PALLD: variants seen among roughly 807,000 people sequenced by gnomAD.
The protein encoded by PALLD is palladin, cytoskeletal associated protein, also known as palladin.
In PALLD, 61 loss-of-function variants were observed where a neutral mutation model predicts 123.5. The observed-to-expected ratio is 0.49, with a 90% CI of 0.40 to 0.61. The LOEUF is 0.61. PALLD is among the 20% of genes least tolerant of loss of function. PALLD has a pLI of 0.00. For missense variants in PALLD, 1,273 were observed against 1,377.0 expected (o/e 0.92, Z 1.20); for synonymous variants, 465 against 496.4 (o/e 0.94, Z 0.84).
chr4:168,727,204 C>T (rs928257670), intron 10 of PALLD, among the ~76,000 whole-genome samples: 2 of 152,106 alleles, frequency 1.3e-5, no homozygotes, highest in African/African-American at 2.4e-5. Flanking sequence ...CATGTGTCTT[C>T]TTGGTATAAT....
At chr4:168,691,463 T>G (rs184668123) in intron 8 of PALLD, among the ~76,000 whole-genome samples, 171 bp downstream of exon 8, 19 of 152,184 alleles carry the variant, frequency 1.2e-4, no homozygotes, top group Non-Finnish European at 1.9e-4. Flanking sequence ...TATCATGGAG[T>G]CTGTACACTG....
intron 10 of PALLD, chr4:168,833,082 G>C (rs1241116812): frequency 6.5e-6 from 1 of 152,770 alleles, no homozygotes; most frequent in African/African-American, 2.4e-5. Flanking sequence ...CCCGCCCCGG[G>C]GCTGGGGGCT....
chr4:168,543,146 C>T (rs990275764), intron 2 of PALLD, among the ~76,000 whole-genome samples: 2 of 152,036 alleles, frequency 1.3e-5, no homozygotes, highest in African/African-American at 4.8e-5. Flanking sequence ...CTTCCTAGCT[C>T]CATCATTTGC....
chr4:168,895,935 G>A (rs12513004), intron 12 of PALLD, among the ~76,000 whole-genome samples: 79,920 of 152,162 alleles, frequency 0.53, 24,451 homozygotes, highest in East Asian at 0.88. Flanking sequence ...AAGGCGGGGC[G>A]CAGTGGCTTA....
chr4:168,810,831 AAAAAAG>A (rs1561549660), intron 10 of PALLD, among the ~76,000 whole-genome samples: 6 of 150,432 alleles, frequency 4.0e-5, no homozygotes, highest in Non-Finnish European at 8.8e-5. Context: ...AAAAAAGAAA[AAAAAAG>A]AAGAAGAAGA....
At chr4:168,689,259 T>C (rs1036624186) in intron 6 of PALLD, among the ~76,000 whole-genome samples, 1 of 152,114 alleles carries the variant, frequency 6.6e-6, no homozygotes, top group African/African-American at 2.4e-5. Flanking sequence ...AATTGGTTTT[T>C]TCCAGGACAT....
At chr4:168,688,777 C>T (rs972639054) in intron 6 of PALLD, among the ~76,000 whole-genome samples, 1 of 151,116 alleles carries the variant, frequency 6.6e-6, no homozygotes, top group Non-Finnish European at 1.5e-5. Context: ...CTTTCCGACA[C>T]TGAAAAAAAA....
chr4:168,631,659 C>A (rs1029486632), intron 2 of PALLD: 3 of 985,510 alleles, frequency 3.0e-6, no homozygotes, highest in Non-Finnish European at 3.6e-6. Context: ...GAGCCTGAGT[C>A]GTGGCCGCTG....
intron 10 of PALLD, among the ~76,000 whole-genome samples, chr4:168,781,360 A>G (rs13116200): frequency 0.32 from 48,028 of 152,080 alleles, 8,473 homozygotes; most frequent in Non-Finnish European, 0.41. Context: ...GAGCCTAGTT[A>G]ATTGCAATGG....
chr4:168,543,317 T>A (rs1047634605), intron 2 of PALLD, among the ~76,000 whole-genome samples: 2 of 100,810 alleles, frequency 2.0e-5, no homozygotes, highest in African/African-American at 6.1e-5. Flanking sequence ...TAAATTATAT[T>A]TATCTTTTTT....
intron 2 of PALLD, among the ~76,000 whole-genome samples, chr4:168,620,643 C>T (rs1410729875): frequency 6.6e-6 from 1 of 152,070 alleles, no homozygotes; most frequent in Non-Finnish European, 1.5e-5. Context: ...AGGAACAAGC[C>T]AGGGGACAAA....
chr4:168,676,561 G>A (rs115697153), intron 3 of PALLD, among the ~76,000 whole-genome samples: 6,513 of 148,444 alleles, frequency 0.044, 481 homozygotes, highest in African/African-American at 0.15. Flanking sequence ...TTACTTATAT[G>A]TATTAATTAT....
chr4:168,746,314 G>A (rs960735218), intron 10 of PALLD, among the ~76,000 whole-genome samples: 2 of 147,180 alleles, frequency 1.4e-5, no homozygotes, highest in African/African-American at 5.0e-5. Context: ...CCGGGAGGCG[G>A]AGCTGGCACT....
At chr4:168,799,035 C>T (rs1276411329) in intron 10 of PALLD, among the ~76,000 whole-genome samples, 1 of 152,108 alleles carries the variant, frequency 6.6e-6, no homozygotes, top group Non-Finnish European at 1.5e-5. Flanking sequence ...GTGGTCAGAA[C>T]AAATTTATAG....
intron 17 of PALLD, among the ~76,000 whole-genome samples, chr4:168,920,655 C>T (rs1005648911): frequency 6.6e-6 from 1 of 152,070 alleles, no homozygotes; most frequent in Non-Finnish European, 1.5e-5. Context: ...ATCTCTGGTC[C>T]ACACAACTGT....
intron 2 of PALLD, chr4:168,647,960 C>T (rs975831835): frequency 3.9e-5 from 6 of 152,026 alleles, no homozygotes; most frequent in Non-Finnish European, 7.4e-5. Context: ...CCTTATTTAT[C>T]CAATTTGCAA....
At chr4:168,733,946 A>G (rs1353927065) in intron 10 of PALLD, among the ~76,000 whole-genome samples, 2 of 152,202 alleles carry the variant, frequency 1.3e-5, no homozygotes, top group Non-Finnish European at 2.9e-5. Flanking sequence ...CATGTTAGCC[A>G]GGATGGTCTC....
chr4:168,912,944 C>T (rs1216951832), intron 15 of PALLD, among the ~76,000 whole-genome samples: 5 of 151,868 alleles, frequency 3.3e-5, no homozygotes, highest in Non-Finnish European at 5.9e-5. Context: ...TTACATAGGC[C>T]CTTATCATAT....
chr4:168,791,630 G>A (rs1043289331), intron 10 of PALLD, among the ~76,000 whole-genome samples: 1 of 152,280 alleles, frequency 6.6e-6, no homozygotes, highest in East Asian at 1.9e-4. Flanking sequence ...TGACACGTAA[G>A]GATTATGGGG....
Sources: gnomAD v4.1 joint callset for allele counts (sites outside exome capture counted in the v4.1 genomes callset) on GRCh38, gnomAD v4.1.1 for gene constraint, MANE v1.5 for transcripts, NCBI Gene and HGNC (gene_info 2026-07-23, HGNC 2026-07-21) for gene names.